Variants in NCOA1 observed in about 807,000 individuals in gnomAD.
The protein encoded by NCOA1 is nuclear receptor coactivator 1.
Under a neutral mutation model 150.9 loss-of-function variants are expected in NCOA1, and 35 were observed. The ratio of observed to expected loss-of-function variants is 0.23; its 90% CI spans 0.18 to 0.31. The LOEUF (loss-of-function observed/expected upper bound fraction) is 0.31, where lower values mean the gene tolerates loss of function less well. NCOA1 is among the 10% of genes least tolerant of loss of function. NCOA1 has a pLI of 1.00. For missense variants in NCOA1, 1,491 were observed against 1,749.3 expected (o/e 0.85, Z 2.63); for synonymous variants, 590 against 630.0 (o/e 0.94, Z 0.95).
intron 14 of NCOA1, among the ~76,000 whole-genome samples, chr2:24,715,190 C>T (rs766746706): frequency 5.1e-4 from 78 of 152,156 alleles, no homozygotes; most frequent in Non-Finnish European, 9.6e-4. Flanking sequence ...CAGATGGAAA[C>T]TCTAACCTAC....
At position 24,752,085 on chromosome 2, in the gene NCOA1, A is replaced by G; in HGVS notation, c.3810A>G (p.Gln1270=). Residue 1270 remains glutamine, a synonymous_variant, in exon 20 of 23, where the codon CAA becomes CAG. Coordinates refer to ENST00000348332, the MANE Select transcript of NCOA1 (RefSeq NM_003743.5). The part of the protein sequence containing the change: ...IPPPQSSLLQ[Q]TPPASGYQSP... ...CTCCTCAGAGTTCTCTTCTCCAGCA[A>G]ACTCCACCTGCCTCCGGGTATCAGT... is the stretch of plus-strand genomic sequence containing the variant. The G allele has an allele frequency of 6.2e-7, 1 of 1,614,150 alleles. No individual in the cohort carries two copies. Among genetic ancestry groups the G allele is most frequent in the Non-Finnish European group, 8.5e-7 (1 of 1,180,028 alleles).
At chr2:24,579,025 G>T (rs2148302593) in intron 2 of NCOA1, among the ~76,000 whole-genome samples, 1 of 152,206 alleles carries the variant, frequency 6.6e-6, no homozygotes, top group East Asian at 1.9e-4. Context: ...TTGGCATGTG[G>T]TGGGTACTGA....
At chr2:24,749,012 A>T (rs1272370581) in intron 19 of NCOA1, among the ~76,000 whole-genome samples, 1 of 152,230 alleles carries the variant, frequency 6.6e-6, no homozygotes, top group Non-Finnish European at 1.5e-5. Context: ...TTTAACTGTG[A>T]GATGTATTTT....
intron 2 of NCOA1, among the ~76,000 whole-genome samples, chr2:24,565,292 A>T (rs1293199685): frequency 3.9e-5 from 6 of 152,196 alleles, no homozygotes; most frequent in Non-Finnish European, 8.8e-5. Flanking sequence ...AAAACAAAAT[A>T]TTTTTTATTT....
intron 2 of NCOA1, among the ~76,000 whole-genome samples, chr2:24,572,577 G>A (rs779925503): frequency 2.3e-4 from 35 of 152,222 alleles, no homozygotes; most frequent in African/African-American, 2.4e-4. Context: ...TAACTTTTTC[G>A]TGAAGATTGT....
chr2:24,750,264 A>C (rs972929608), intron 19 of NCOA1, among the ~76,000 whole-genome samples: 1 of 152,232 alleles, frequency 6.6e-6, no homozygotes, highest in African/African-American at 2.4e-5. Context: ...TAAAATGTAT[A>C]TGAAAATGCA....
At chr2:24,510,244 T>C (rs917750467) in intron 1 of NCOA1, among the ~76,000 whole-genome samples, 1 of 152,190 alleles carries the variant, frequency 6.6e-6, no homozygotes, top group African/African-American at 2.4e-5. Context: ...AGAGATGGGG[T>C]TTCACCATGT....
chr2:24,697,573 T>G, intron 10 of NCOA1, 85 bp from the exon 11 acceptor site: 1 of 1,194,174 alleles, frequency 8.4e-7, no homozygotes, highest in Non-Finnish European at 1.2e-6. Context: ...GAAAGAATAT[T>G]TCTTAGATGC....
At chr2:24,610,491 ACT>A (rs1319735653) in intron 3 of NCOA1, among the ~76,000 whole-genome samples, 3 of 150,364 alleles carry the variant, frequency 2.0e-5, no homozygotes, top group Non-Finnish European at 3.0e-5. Context: ...CAGTTCACTG[ACT>A]CTGTTTATTT....
At chr2:24,666,839 G>T (rs985359035) in intron 6 of NCOA1, among the ~76,000 whole-genome samples, 14 of 151,992 alleles carry the variant, frequency 9.2e-5, no homozygotes, top group Non-Finnish European at 1.3e-4. Flanking sequence ...CACCATGTTG[G>T]CCAGGCTGGT....
intron 19 of NCOA1, among the ~76,000 whole-genome samples, chr2:24,751,456 G>T (rs562899895): frequency 6.6e-6 from 1 of 151,648 alleles, no homozygotes; most frequent in African/African-American, 2.4e-5. Context: ...AGTGGCAGGC[G>T]CCTGTAATCC....
chr2:24,710,799 A>C (rs1184933003), intron 13 of NCOA1, 132 bp from the exon 14 acceptor site: 1 of 867,250 alleles, frequency 1.2e-6, no homozygotes, highest in African/African-American at 1.7e-5. Flanking sequence ...AATCATTCTA[A>C]TTATTTCTTC....
intron 1 of NCOA1, among the ~76,000 whole-genome samples, chr2:24,531,573 A>G (rs11682031): frequency 0.15 from 22,438 of 151,984 alleles, 1,993 homozygotes; most frequent in Non-Finnish European, 0.2. Context: ...CATCATTTAC[A>G]TTAGGTATTT....
chr2:24,678,579 C>T (rs1253423870), intron 7 of NCOA1, among the ~76,000 whole-genome samples: 1 of 152,144 alleles, frequency 6.6e-6, no homozygotes, highest in East Asian at 1.9e-4. Flanking sequence ...ATAATCACCA[C>T]TCTGACTGGC....
intron 11 of NCOA1, among the ~76,000 whole-genome samples, chr2:24,699,483 A>T (rs1435858754): frequency 6.6e-6 from 1 of 152,218 alleles, no homozygotes; most frequent in African/African-American, 2.4e-5. Context: ...AATTTAGAGT[A>T]AAATGTCAAG....
chr2:24,598,043 C>T (rs937142773), intron 3 of NCOA1, among the ~76,000 whole-genome samples: 10 of 151,724 alleles, frequency 6.6e-5, no homozygotes, highest in Admixed American at 2.0e-4. Flanking sequence ...GTTTTTTGTT[C>T]TTGCGATAGT....
intron 1 of NCOA1, among the ~76,000 whole-genome samples, chr2:24,536,284 G>A (rs773537816): frequency 1.1e-4 from 16 of 152,112 alleles, no homozygotes; most frequent in African/African-American, 1.7e-4. Context: ...TTCTCGTGCC[G>A]TGGTTTTCAG....
chr2:24,573,866 G>T (rs1413906721), intron 2 of NCOA1, among the ~76,000 whole-genome samples: 2 of 144,270 alleles, frequency 1.4e-5, no homozygotes, highest in African/African-American at 2.5e-5. Flanking sequence ...ATGAGATTCA[G>T]GCTAAGACTC....
At chr2:24,650,697 C>A (rs1345148508) in intron 4 of NCOA1, among the ~76,000 whole-genome samples, 1 of 151,988 alleles carries the variant, frequency 6.6e-6, no homozygotes, top group Non-Finnish European at 1.5e-5. Flanking sequence ...AAATGGCCAA[C>A]AAGTATATGA....
Sources: allele counts gnomAD v4.1 joint callset (sites outside exome capture counted in the v4.1 genomes callset), GRCh38; gene constraint gnomAD v4.1.1; transcripts MANE v1.5; gene names NCBI Gene and HGNC (gene_info 2026-07-23, HGNC 2026-07-21).